RIN2: variants seen among roughly 807,000 people sequenced by gnomAD.
RIN2 encodes Ras and Rab interactor 2.
Under a neutral mutation model 78.0 loss-of-function variants are expected in RIN2, and 36 were observed. That is an observed-to-expected ratio of 0.46 (90% CI 0.35 to 0.61). The LOEUF (loss-of-function observed/expected upper bound fraction) is 0.61. RIN2 is among the 20% of genes least tolerant of loss of function. The pLI is 0.00. For missense variants in RIN2, 1,087 were observed against 1,159.7 expected, an observed-to-expected ratio of 0.94 and a Z score of 0.91; for synonymous variants, 466 against 466.8, an observed-to-expected ratio of 1.00 and a Z score of 0.02.
intron 1 of RIN2, among the ~76,000 whole-genome samples, chr20:19,758,680 G>C (rs1324634109): frequency 6.6e-6 from 1 of 152,214 alleles, no homozygotes; most frequent in Non-Finnish European, 1.5e-5. Flanking sequence ...GAGGTGCGGA[G>C]GTGCGGGTGT....
At chr20:19,758,624 C>T (rs1469079054) in intron 1 of RIN2, among the ~76,000 whole-genome samples, 1 of 152,036 alleles carries the variant, frequency 6.6e-6, no homozygotes, top group African/African-American at 2.4e-5. Context: ...CTGACCTGTG[C>T]GGGGCTGGGG....
intron 3 of RIN2, among the ~76,000 whole-genome samples, chr20:19,894,118 T>C (rs1352921463): frequency 6.6e-6 from 1 of 151,964 alleles, no homozygotes; most frequent in Non-Finnish European, 1.5e-5. Flanking sequence ...GGAGAAGGGG[T>C]AACACCCTAC....
chr20:19,766,515 C>T (rs2033891348), intron 1 of RIN2, among the ~76,000 whole-genome samples: 1 of 152,076 alleles, frequency 6.6e-6, no homozygotes, highest in South Asian at 2.1e-4. Context: ...TTCATCCTTT[C>T]CTGGGCATCA....
chr20:19,843,477 CA>C (rs370917870), intron 2 of RIN2, among the ~76,000 whole-genome samples: 2 of 152,238 alleles, frequency 1.3e-5, no homozygotes, highest in African/African-American at 4.8e-5. Context: ...TCTCCACCAG[CA>C]AAAAATGACA....
chr20:19,848,868 A>G (rs1355132768), intron 2 of RIN2, among the ~76,000 whole-genome samples: 1 of 152,234 alleles, frequency 6.6e-6, no homozygotes, highest in Admixed American at 6.5e-5. Flanking sequence ...CAGCCATTAT[A>G]GAATGATTTC....
intron 11 of RIN2, among the ~76,000 whole-genome samples, chr20:19,995,073 T>A (rs1000064448): frequency 1.2e-4 from 19 of 152,070 alleles, no homozygotes; most frequent in African/African-American, 3.9e-4. Flanking sequence ...TGGCTCCTGA[T>A]CCACATGGAG....
chr20:19,865,488 CTTTT>C (rs58947389), intron 2 of RIN2, among the ~76,000 whole-genome samples: 5 of 135,860 alleles, frequency 3.7e-5, no homozygotes, highest in Admixed American at 7.6e-5. Flanking sequence ...TACTTTCTTT[CTTTT>C]TTTTTTTTTT....
intron 2 of RIN2, among the ~76,000 whole-genome samples, chr20:19,853,749 C>G (rs2037069282): frequency 6.6e-6 from 1 of 151,924 alleles, no homozygotes; most frequent in South Asian, 2.1e-4. Flanking sequence ...TTGTAAATTT[C>G]TTTGAGTTCT....
At chr20:19,851,040 AGGAAGGAAGG>A (rs1423622831) in intron 2 of RIN2, among the ~76,000 whole-genome samples, 14 of 93,480 alleles carry the variant, frequency 1.5e-4, no homozygotes, top group African/African-American at 5.9e-4. Context: ...GAAGGAAGGA[AGGAAGGAAGG>A]AGAAAGAAAG....
chr20:19,951,473 G>A (rs2041314410), intron 4 of RIN2, among the ~76,000 whole-genome samples: 1 of 152,172 alleles, frequency 6.6e-6, no homozygotes, highest in Non-Finnish European at 1.5e-5. Context: ...CTTGATGTCA[G>A]GGCAGCTCAT....
chr20:19,896,313 C>T (rs1372322039), intron 3 of RIN2, among the ~76,000 whole-genome samples: 8 of 152,180 alleles, frequency 5.3e-5, no homozygotes, highest in African/African-American at 9.7e-5. Flanking sequence ...CTCAGCCTCC[C>T]AAGTAGCTGG....
intron 3 of RIN2, among the ~76,000 whole-genome samples, chr20:19,910,673 A>G (rs1162949957): frequency 1.3e-5 from 2 of 150,948 alleles, no homozygotes; most frequent in Non-Finnish European, 2.9e-5. Flanking sequence ...GGTTCAAGTA[A>G]TTCTCCTGCC....
At chr20:19,875,540 C>A (rs546638761) in intron 2 of RIN2, among the ~76,000 whole-genome samples, 1 of 152,084 alleles carries the variant, frequency 6.6e-6, no homozygotes, top group East Asian at 1.9e-4. Context: ...GAGTCTGAGG[C>A]GGGAGGATGG....
rs1266375178 is a variant in RIN2, at chr20:19,975,980, G to A, written c.1762+193G>A. ...ACTGCCAGACTCAAAAATGTCTTCG[G>A]GAGTGACAGATTGGAGCTGCACAGT... On this transcript the variant is annotated intron_variant, in intron 9 of 12. Coordinates refer to ENST00000255006, the MANE Select transcript of RIN2 (RefSeq NM_018993.4). This position sits in a 1 kb window ranked among gnomAD's most constrained non-coding sequence, Gnocchi z 4.9. Among the ~76,000 whole-genome samples, 1 of 152,134 alleles carries A rather than the reference G, an allele frequency of 6.6e-6. No individual in the cohort carries two copies. The highest frequency in any genetic ancestry group is 1.9e-4 in the East Asian group (1 of 5,196).
Position 19,992,232 on chromosome 20 carries a change from G to T in RIN2, c.2133G>T (p.Met711Ile). The change falls in exon 11 of 13, where the codon ATG becomes ATT. Residue 711 changes from methionine to isoleucine, a missense_variant. Met to Ile is a conservative substitution (Grantham distance 10, BLOSUM62 1). This residue lies in a region of RIN2 where 45 missense variants were observed against 88.1 expected (regional missense o/e 0.51). Coordinates refer to ENST00000255006, the MANE Select transcript of RIN2 (RefSeq NM_018993.4). ...CCTATGTCATAGCCCAGTGTGACATGCTTGAATTGGACACTGAAATCGAGT... is the reference window on the plus strand; with the variant it reads ...CCTATGTCATAGCCCAGTGTGACATTCTTGAATTGGACACTGAAATCGAGT... ...VLTYVIAQCD[M>I]LELDTEIEYM... is the part of the protein sequence containing the mutation. 6.2e-7 allele frequency: 1 copy of T among 1,606,524 alleles called. No homozygotes were observed. Among genetic ancestry groups the T allele is most frequent in the Non-Finnish European group, 8.5e-7 (1 of 1,176,206 alleles).
intron 1 of RIN2, among the ~76,000 whole-genome samples, chr20:19,792,417 C>T (rs184439175): frequency 4.6e-5 from 7 of 152,276 alleles, no homozygotes; most frequent in African/African-American, 1.7e-4. Context: ...CCACCCGGGT[C>T]ATCAGAGGGT....
At chr20:19,853,259 C>T (rs896956704) in intron 2 of RIN2, among the ~76,000 whole-genome samples, 1 of 152,024 alleles carries the variant, frequency 6.6e-6, no homozygotes, top group Non-Finnish European at 1.5e-5. Context: ...GTATGTGTCA[C>T]ATTTTCTTAA....
chr20:19,760,662 C>G (rs1204088429), intron 1 of RIN2, among the ~76,000 whole-genome samples: 1 of 152,096 alleles, frequency 6.6e-6, no homozygotes, highest in African/African-American at 2.4e-5. Flanking sequence ...ACAGGGTATG[C>G]TACCCTGAGA....
rs115226484 is a variant in RIN2 at position 19,770,902 on chromosome 20, C to T, written c.-163+12575C>T. 7.6e-3 allele frequency among the ~76,000 whole-genome samples: 1,108 copies of T among 145,388 alleles called. 19 individuals are homozygous for T. The highest frequency in any genetic ancestry group is 0.026 in the African/African-American group (1,058 of 40,598). ...CCCCCCCCCACCTTCCCACTAGGGC[C>T]GCAAGTCCCGGCCTCCGGATCTGCT... On this transcript the variant is annotated intron_variant, in intron 1 of 12. Coordinates refer to ENST00000255006, the MANE Select transcript of RIN2 (RefSeq NM_018993.4).
Sources: allele counts gnomAD v4.1 joint callset (sites outside exome capture counted in the v4.1 genomes callset), GRCh38; gene constraint gnomAD v4.1.1; regional missense constraint gnomAD v4.1.1; non-coding constraint Gnocchi (gnomAD v3.1); transcripts MANE v1.5; gene names NCBI Gene and HGNC (gene_info 2026-07-23, HGNC 2026-07-21).